The following CACNA1B variants were observed in gnomAD, a reference collection of about 807,000 sequenced individuals.
CACNA1B encodes the protein voltage-dependent N-type calcium channel subunit alpha-1B.
CACNA1B carries 70 observed loss-of-function variants against 247.2 expected under a neutral mutation model. The ratio of observed to expected loss-of-function variants is 0.28; its 90% CI spans 0.23 to 0.35. CACNA1B has a LOEUF of 0.35. Ranked by LOEUF, CACNA1B falls within the 10% of genes least tolerant of loss-of-function variation. The pLI, the probability that CACNA1B is intolerant of heterozygous loss-of-function variation, is 1.00. For synonymous variants in CACNA1B, 1,231 were observed against 1,294.4 expected, an observed-to-expected ratio of 0.95 and a Z score of 1.05; for missense variants, 2,367 against 3,197.4, an observed-to-expected ratio of 0.74 and a Z score of 6.26.
intron 19 of CACNA1B, among the ~76,000 whole-genome samples, chr9:138,024,112 A>G (rs953559317): frequency 1.3e-5 from 2 of 152,210 alleles, no homozygotes; most frequent in Admixed American, 6.5e-5. Context: ...TTAAGGGGGA[A>G]TTGTTGCGAC....
intron 3 of CACNA1B, among the ~76,000 whole-genome samples, chr9:137,889,194 C>T (rs564446646): frequency 2.0e-5 from 3 of 150,506 alleles, no homozygotes; most frequent in East Asian, 1.9e-4. Flanking sequence ...GAGCATGGAC[C>T]GAGCTGGGTG....
rs1960212817 is a variant in CACNA1B at position 138,073,731 on chromosome 9, A to G, written c.4791+127A>G. On this transcript the variant is annotated intron_variant, in intron 33 of 46. Transcript: ENST00000371372. This position sits in a 1 kb window ranked among gnomAD's most constrained non-coding sequence, Gnocchi z 6.4. ...TATGGCATGCAGGTTTCGTGGTTGT[A>G]TGCATTGTCCTGTTGTCATTTATAA... is the stretch of plus-strand genomic sequence containing the variant. The G allele has an allele frequency of 2.9e-6, 2 of 679,346 alleles. No homozygotes were observed. The highest frequency in any genetic ancestry group is 2.6e-6 in the Non-Finnish European group (1 of 379,320). The allele number at this position is 679,346 out of a possible 1,614,324, so 42.1% of individuals were successfully genotyped here.
chr9:137,884,758 G>T (rs1263558880), intron 3 of CACNA1B, among the ~76,000 whole-genome samples: 1 of 152,060 alleles, frequency 6.6e-6, no homozygotes, highest in African/African-American at 2.4e-5. Context: ...GGTGCTGAGT[G>T]TGTCGGCCCT....
In CACNA1B at chr9:137,986,943, C is replaced by T. The variant is rs1042320975; in HGVS notation, c.1974+89C>T. ...GGCGGACTCTCCTGTCATTCCCTCC[C>T]TTGTTCCTCCACACGGCCCAGATCA... On this transcript the variant is annotated intron_variant, in intron 15 of 46. Coordinates refer to ENST00000371372, the MANE Select transcript of CACNA1B (RefSeq NM_000718.4). The surrounding 1 kb of genome is among the most constrained non-coding windows in gnomAD (Gnocchi z 6.0). 8.5e-5 allele frequency: 81 copies of T among 954,610 alleles called. No individual in the cohort carries two copies. The highest frequency in any genetic ancestry group is 9.4e-5 in the Non-Finnish European group (55 of 584,672). 59.1% of individuals were successfully genotyped at this position (954,610 alleles called of 1,614,324 possible). A position where few individuals can be genotyped will look rare whatever the true frequency, so the allele number is the denominator to read the frequency against.
At chr9:137,923,742 A>C (rs1037303634) in intron 6 of CACNA1B, among the ~76,000 whole-genome samples, 13 of 151,902 alleles carry the variant, frequency 8.6e-5, no homozygotes, top group African/African-American at 3.1e-4. Context: ...AGAGGGCTAC[A>C]CTCTTTTACA....
At position 137,879,129 on chromosome 9, in the gene CACNA1B, TG is replaced by T. The variant is rs1956880689; in HGVS notation, c.364del (p.Asp122ThrfsTer70). On this transcript the variant is annotated frameshift_variant, in exon 2 of 47. Transcript: ENST00000371372. LOFTEE classifies it high-confidence loss of function. ...VLALEQHLPDGDKTPMSERLD... is the reference protein window; with the variant it reads ...VLALEQHLPDXDKTPMSERLD... ...TGGCCCTGGAGCAGCACCTCCCTGA[TG>T]GGGACAAAACGCCCATGTCCGAGCG... The T allele has an allele frequency of 1.2e-6, 2 of 1,611,794 alleles. No individual in the cohort carries two copies. Among genetic ancestry groups the T allele is most frequent in the Non-Finnish European group, 1.7e-6 (2 of 1,179,342 alleles).
At chr9:138,118,831 G>A in intron 44 of CACNA1B, 63 bp downstream of exon 44, 2 of 734,068 alleles carry the variant, frequency 2.7e-6, no homozygotes, top group Non-Finnish European at 2.3e-6. Context: ...AAGTGGGGCT[G>A]TGGCTCTGGG....
At chr9:138,015,769 TGGGCCTCA>T (rs1422910949) in intron 18 of CACNA1B, among the ~76,000 whole-genome samples, 1 of 152,172 alleles carries the variant, frequency 6.6e-6, no homozygotes, top group East Asian at 1.9e-4. Flanking sequence ...GTGCGTATCC[TGGGCCTCA>T]GGTGACAGCT....
At chr9:138,113,793 C>T (rs1668929193) in intron 40 of CACNA1B, among the ~76,000 whole-genome samples, 1 of 142,780 alleles carries the variant, frequency 7.0e-6, no homozygotes, top group Admixed American at 6.9e-5. Context: ...TGCCCAACTC[C>T]ATCTTGTGGG....
intron 22 of CACNA1B, 104 bp from the exon 23 acceptor site, chr9:138,047,295 T>A: frequency 1.1e-6 from 1 of 888,968 alleles, no homozygotes. Flanking sequence ...CCTGGCTCCC[T>A]GGCTGACTGC....
rs778810624 is a variant in CACNA1B, at chr9:137,986,787, A to T, written c.1907A>T (p.Asn636Ile). The T allele has an allele frequency of 6.2e-7, 1 of 1,613,356 alleles. No homozygotes were observed. Among genetic ancestry groups the T allele is most frequent in the Admixed American group, 1.7e-5 (1 of 60,012 alleles). The change falls in exon 15 of 47, where the codon AAC (asparagine) becomes ATC (isoleucine). Residue 636 changes from asparagine (N) to isoleucine (I), a missense_variant. This residue lies in a region of CACNA1B where 76 missense variants were observed against 191.0 expected (regional missense o/e 0.40). Transcript: ENST00000371372. The surrounding 1 kb of genome is among the most constrained non-coding windows in gnomAD (Gnocchi z 6.0). ...LGMQLFGGQF[N>I]FQDETPTTNF... The stretch of plus-strand genomic sequence containing the variant: ...AGCCTTCCTGTTTTCCTCAGGTTCA[A>T]CTTCCAGGATGAGACTCCCACAACC...
rs190381801 is a variant in CACNA1B, at chr9:137,955,936, T to C, written c.1186+123T>C. 86 of 698,224 alleles carry C rather than the reference T, an allele frequency of 1.2e-4. 2 individuals are homozygous for C. Among genetic ancestry groups the C allele is most frequent in the South Asian group, 8.1e-4 (52 of 63,998 alleles). 43.3% of individuals were successfully genotyped at this position (698,224 alleles called of 1,614,324 possible). ...GGTAGAGCCTGAAGGGATTTTGTAG[T>C]GAGCAGAGTGAGAAGGGATTTCTCT... On this transcript the variant is annotated intron_variant, in intron 8 of 46. Coordinates refer to ENST00000371372, the MANE Select transcript of CACNA1B (RefSeq NM_000718.4). This position sits in a 1 kb window ranked among gnomAD's most constrained non-coding sequence, Gnocchi z 6.9.
chr9:137,986,593 G>A lies in CACNA1B; in HGVS notation c.1901+49G>A, dbSNP rs1282883650. The A allele has an allele frequency of 6.2e-7, 1 of 1,608,574 alleles. No individual in the cohort carries two copies. Among genetic ancestry groups the A allele is most frequent in the African/African-American group, 1.3e-5 (1 of 74,968 alleles). On this transcript the variant is annotated intron_variant, in intron 14 of 46. Coordinates refer to ENST00000371372, the MANE Select transcript of CACNA1B (RefSeq NM_000718.4). This position sits in a 1 kb window ranked among gnomAD's most constrained non-coding sequence, Gnocchi z 6.0. Reference sequence around the variant, plus strand: ...CTCAAGGCTGGGGGCTTGCAGGGAAGCAGAGCTCAGAGCAGACGGTGCCGC... The same window carrying A: ...CTCAAGGCTGGGGGCTTGCAGGGAAACAGAGCTCAGAGCAGACGGTGCCGC...
At position 137,971,903 on chromosome 9, in the gene CACNA1B, G is replaced by A. The variant is rs1379331374; in HGVS notation, c.1543+311G>A. On this transcript the variant is annotated intron_variant, in intron 11 of 46. Coordinates refer to ENST00000371372, the MANE Select transcript of CACNA1B (RefSeq NM_000718.4). This position sits in a 1 kb window ranked among gnomAD's most constrained non-coding sequence, Gnocchi z 4.4. ...ACCCAGGGCAGGATATATGTGGGAC[G>A]ACCAGGGGCGAGTCAGGCCAGGCAG... Among the ~76,000 whole-genome samples, 1 of 151,858 alleles carries A rather than the reference G, an allele frequency of 6.6e-6. No individual in the cohort carries two copies. The highest frequency in any genetic ancestry group is 1.5e-5 in the Non-Finnish European group (1 of 67,930).
intron 6 of CACNA1B, among the ~76,000 whole-genome samples, chr9:137,948,658 GGT>G (rs1957826366): frequency 6.6e-6 from 1 of 151,986 alleles, no homozygotes; most frequent in Non-Finnish European, 1.5e-5. Context: ...GTGTGTTTGT[GGT>G]GTGTGTTGTG....
chr9:137,945,510 A>C (rs909558914), intron 6 of CACNA1B, among the ~76,000 whole-genome samples: 2 of 152,200 alleles, frequency 1.3e-5, no homozygotes, highest in African/African-American at 4.8e-5. Context: ...GCCCACTATG[A>C]GTTTCCTCTT....
chr9:138,051,068 G>A lies in CACNA1B; in HGVS notation c.3711-1024G>A, dbSNP rs1959258184. ...CTGAGCAGGGTGGGAAGGGTTCCAT[G>A]TGTGAGTGAATCCCACTCAGTCCTG... On this transcript the variant is annotated intron_variant, in intron 24 of 46. Transcript: ENST00000371372. The surrounding 1 kb of genome is among the most constrained non-coding windows in gnomAD (Gnocchi z 4.3). Among the ~76,000 whole-genome samples, 1 of 152,164 alleles carries A rather than the reference G, an allele frequency of 6.6e-6. No individual in the cohort carries two copies. Among genetic ancestry groups the A allele is most frequent in the African/African-American group, 2.4e-5 (1 of 41,442 alleles).
At position 137,917,145 on chromosome 9, in the gene CACNA1B, A is replaced by G. The variant is rs1957421758; in HGVS notation, c.776-96A>G. The stretch of plus-strand genomic sequence containing the variant: ...TTCTGTTGGTGGCTGGTTCCTGCCC[A>G]CCTGCTGTGAGCTCTCCAGAGCCCA... On this transcript the variant is annotated intron_variant, in intron 5 of 46. Transcript: ENST00000371372. The surrounding 1 kb of genome is among the most constrained non-coding windows in gnomAD (Gnocchi z 5.5). The G allele has an allele frequency of 2.6e-6, 3 of 1,134,470 alleles. No homozygotes were observed. Among genetic ancestry groups the G allele is most frequent in the Non-Finnish European group, 3.8e-6 (3 of 794,536 alleles). The allele number at this position is 1,134,470 out of a possible 1,614,324, so 70.3% of individuals were successfully genotyped here.
At chr9:138,119,592 C>A (rs1480880948) in intron 44 of CACNA1B, among the ~76,000 whole-genome samples, 1 of 152,204 alleles carries the variant, frequency 6.6e-6, no homozygotes, top group Non-Finnish European at 1.5e-5. Context: ...CACTGCCTCT[C>A]CTCCCTCTTA....
Sources: gnomAD v4.1 joint callset for allele counts (sites outside exome capture counted in the v4.1 genomes callset) on GRCh38, gnomAD v4.1.1 for gene constraint, gnomAD v4.1.1 regional missense constraint, Gnocchi (gnomAD v3.1) non-coding constraint, MANE v1.5 for transcripts, NCBI Gene and HGNC (gene_info 2026-07-23, HGNC 2026-07-21) for gene names.